Variants in MAK observed in about 807,000 individuals in gnomAD.
The protein encoded by MAK is male germ cell associated kinase.
MAK carries 65 observed loss-of-function variants against 82.6 expected under a neutral mutation model. The ratio of observed to expected loss-of-function variants is 0.79; its 90% CI spans 0.64 to 0.97. The LOEUF (loss-of-function observed/expected upper bound fraction) is 0.97, where lower values mean the gene tolerates loss of function less well. Ranked by LOEUF, MAK falls within the 50% of genes least tolerant of loss-of-function variation. MAK has a pLI of 0.00. For synonymous variants in MAK, 250 were observed against 274.2 expected, an observed-to-expected ratio of 0.91 and a Z score of 0.87; for missense variants, 703 against 780.2, an observed-to-expected ratio of 0.90 and a Z score of 1.18.
At chr6:10,814,898 G>A (rs9467627) in intron 4 of MAK, among the ~76,000 whole-genome samples, 3,064 of 152,058 alleles carry the variant, frequency 0.02, 85 homozygotes, top group African/African-American at 0.068. Flanking sequence ...ATTAGCTGGC[G>A]TGATGGCACA....
At chr6:10,789,164 A>G in intron 10 of MAK, among the ~76,000 whole-genome samples, 1 of 143,732 alleles carries the variant, frequency 7.0e-6, no homozygotes, top group South Asian at 2.1e-4. Flanking sequence ...GCAAAAAAGA[A>G]AAAAAAAAAA....
In MAK at chr6:10,802,208, C is replaced by T. The variant is rs918245053; in HGVS notation, c.664-149G>A. 15 of 629,538 alleles carry T rather than the reference C, an allele frequency of 2.4e-5. No individual in the cohort carries two copies. The Admixed American group carries it at 3.8e-4, about 16-fold the overall frequency. The allele number at this position is 629,538 out of a possible 1,614,324, so 39.0% of individuals were successfully genotyped here. A position where few individuals can be genotyped will look rare whatever the true frequency, so the allele number is the denominator to read the frequency against. On this transcript the variant is annotated intron_variant, in intron 7 of 14. Coordinates refer to ENST00000354489, the MANE Select transcript of MAK (RefSeq NM_001242957.3). The stretch of plus-strand genomic sequence containing the variant: ...ATAAACATGAAAATGAAATACCAGA[C>T]CACGTCTATAATTTAGTGCTACGAC...
At position 10,808,790 on chromosome 6, in the gene MAK, G is replaced by T; in HGVS notation, c.491+20C>A. ...CACCATAGGCTTATGCCTCAGGAGG[G>T]CTGCATAACCCCTACTCACCATCTG... is the stretch of plus-strand genomic sequence containing the variant. On this transcript the variant is annotated intron_variant, in intron 6 of 14. Transcript: ENST00000354489. 5.0e-6 allele frequency: 8 copies of T among 1,613,012 alleles called. No individual in the cohort carries two copies. Among genetic ancestry groups the T allele is most frequent in the Non-Finnish European group, 6.8e-6 (8 of 1,179,222 alleles).
intron 2 of MAK, among the ~76,000 whole-genome samples, chr6:10,824,842 T>C (rs1026906288): frequency 2.0e-5 from 3 of 152,202 alleles, no homozygotes; most frequent in East Asian, 1.9e-4. Flanking sequence ...ACTGGAACAG[T>C]GCTCACCGTG....
intron 10 of MAK, among the ~76,000 whole-genome samples, chr6:10,787,248 TCCA>T (rs1481366802): frequency 3.3e-5 from 5 of 152,020 alleles, no homozygotes; most frequent in Admixed American, 2.0e-4. Flanking sequence ...TATTCACAAA[TCCA>T]CCAATTCACC....
chr6:10,838,273 C>G (rs1779289914), intron 1 of MAK: 1 of 152,330 alleles, frequency 6.6e-6, no homozygotes, highest in African/African-American at 2.4e-5. Flanking sequence ...CGACCGCCTT[C>G]CCTCGGGCTG....
At chr6:10,808,637 T>C (rs535482517) in intron 6 of MAK, among the ~76,000 whole-genome samples, 173 bp downstream of exon 6, 1 of 152,230 alleles carries the variant, frequency 6.6e-6, no homozygotes, top group African/African-American at 2.4e-5. Context: ...TTCCTTTTTT[T>C]TTCAGTGATC....
chr6:10,829,157 A>G (rs1233394996), intron 2 of MAK: 1 of 152,186 alleles, frequency 6.6e-6, no homozygotes, highest in East Asian at 1.9e-4. Flanking sequence ...TAAATTCCTG[A>G]CCCACAGAAA....
At chr6:10,784,824 G>T (rs867489527) in intron 10 of MAK, 1 of 628,492 alleles carries the variant, frequency 1.6e-6, no homozygotes, top group Non-Finnish European at 3.0e-6. Flanking sequence ...ATTTACTTGT[G>T]TGTAACATGT....
intron 1 of MAK, among the ~76,000 whole-genome samples, chr6:10,836,640 C>A (rs142405591): frequency 6.6e-6 from 1 of 152,170 alleles, no homozygotes; most frequent in Non-Finnish European, 1.5e-5. Context: ...TACATATATT[C>A]TTCTCTGTTG....
intron 1 of MAK, 171 bp downstream of exon 1, chr6:10,838,332 C>T (rs542036784): frequency 6.6e-6 from 1 of 152,522 alleles, no homozygotes; most frequent in South Asian, 2.1e-4. Flanking sequence ...CCCTCCAGTC[C>T]TTCCCCTACC....
At chr6:10,777,795 C>T (rs761476224) in intron 11 of MAK, among the ~76,000 whole-genome samples, 8 of 152,038 alleles carry the variant, frequency 5.3e-5, no homozygotes, top group Non-Finnish European at 1.2e-4. Context: ...TGCGCCATCA[C>T]GCCCGGCTAA....
intron 8 of MAK, among the ~76,000 whole-genome samples, chr6:10,799,261 GAT>G (rs1775825888): frequency 6.6e-6 from 1 of 152,152 alleles, no homozygotes; most frequent in Non-Finnish European, 1.5e-5. Context: ...TACTAAGAGA[GAT>G]AAATGAAAAA....
intron 1 of MAK, among the ~76,000 whole-genome samples, chr6:10,837,363 T>G (rs371855177): frequency 9.8e-5 from 15 of 152,332 alleles, no homozygotes; most frequent in African/African-American, 3.6e-4. Flanking sequence ...TATTCACAAA[T>G]TATTTCAAAG....
rs1431519904 is a variant in MAK at position 10,784,589 on chromosome 6, A to T, written c.1317-17T>A. 1 of 1,592,730 alleles carries T rather than the reference A, an allele frequency of 6.3e-7. No homozygotes were observed. Among genetic ancestry groups the T allele is most frequent in the Non-Finnish European group, 8.6e-7 (1 of 1,168,470 alleles). ...TCTGGAAGCCTTGAAAGCCAATGAAAGGTAGCATTACAGCACGAACAACGA... is the reference window on the plus strand; with the variant it reads ...TCTGGAAGCCTTGAAAGCCAATGAATGGTAGCATTACAGCACGAACAACGA... On this transcript the variant is annotated splice_polypyrimidine_tract_variant and intron_variant, in intron 10 of 14. Coordinates refer to ENST00000354489, the MANE Select transcript of MAK (RefSeq NM_001242957.3).
chr6:10,837,650 G>T (rs929501820), intron 1 of MAK, among the ~76,000 whole-genome samples: 1 of 152,210 alleles, frequency 6.6e-6, no homozygotes, highest in Non-Finnish European at 1.5e-5. Flanking sequence ...ACAAATGTCT[G>T]TTTCTTTTAA....
intron 11 of MAK, chr6:10,780,205 T>C: frequency 1.1e-6 from 1 of 937,284 alleles, no homozygotes; most frequent in Non-Finnish European, 1.3e-6. Flanking sequence ...AGTTTACTTT[T>C]TAAATCTCAA....
rs751783623 is a variant in MAK at position 10,796,078 on chromosome 6, C to T, written c.1063G>A (p.Val355Ile). 7.4e-6 allele frequency: 12 copies of T among 1,613,966 alleles called. No individual in the cohort carries two copies. Among genetic ancestry groups the T allele is most frequent in the South Asian group, 5.5e-5 (5 of 91,072 alleles). Residue 355 changes from valine to isoleucine, a missense_variant, in exon 9 of 15, where the codon GTC (valine) becomes ATC (isoleucine). Physicochemically the swap from Val to Ile is conservative, Grantham distance 29 (BLOSUM62 3). Transcript: ENST00000354489. ...CTCTGTTGCTTTGGAGGTTGCTGGA[C>T]GCTCAGGTTCTGTGGCGGCTGAATG... ...QPIQPPQNLSVQQPPKQQSQE... is the reference protein window; with the variant it reads ...QPIQPPQNLSIQQPPKQQSQE...
At chr6:10,815,603 C>T (rs1011030052) in intron 4 of MAK, among the ~76,000 whole-genome samples, 1 of 151,954 alleles carries the variant, frequency 6.6e-6, no homozygotes, top group African/African-American at 2.4e-5. Flanking sequence ...GGCCCTCCAG[C>T]CAAGGTGAAA....
Sources: allele counts gnomAD v4.1 joint callset (sites outside exome capture counted in the v4.1 genomes callset), GRCh38; gene constraint gnomAD v4.1.1; transcripts MANE v1.5; gene names NCBI Gene and HGNC (gene_info 2026-07-23, HGNC 2026-07-21).